TRMT11: variants seen among roughly 807,000 people sequenced by gnomAD.
TRMT11 encodes the protein tRNA methyltransferase 11, also known as tRNA (guanine(10)-N(2))-methyltransferase TRMT11.
In TRMT11, 53 loss-of-function variants were observed where a neutral mutation model predicts 62.8. That is an observed-to-expected ratio of 0.84 (90% CI 0.68 to 1.06). TRMT11 has a LOEUF of 1.06. Ranked by LOEUF, TRMT11 falls within the 50% of genes least tolerant of loss-of-function variation. The pLI is 0.00. For synonymous variants in TRMT11, 188 were observed against 190.3 expected (o/e 0.99, Z 0.10); for missense variants, 556 against 553.4 (o/e 1.00, Z -0.05).
rs1228212979 is a variant in TRMT11 at position 126,011,254 on chromosome 6, A to G, written c.762A>G (p.Gly254=). The change falls in exon 9 of 13, where the codon GGA becomes GGG. Residue 254 remains glycine, a splice_region_variant and synonymous_variant. Transcript: ENST00000334379. ...DIDYNTVHGL[G]KATRKNQKWR... Reference sequence around the variant, plus strand: ...CTCTTCCTTTTTCTTTCCCTTCAGGAAAGGCTACTAGGAAAAACCAGAAGT... The same window carrying G: ...CTCTTCCTTTTTCTTTCCCTTCAGGGAAGGCTACTAGGAAAAACCAGAAGT... 3 of 1,608,758 alleles carry G rather than the reference A, an allele frequency of 1.9e-6. No individual in the cohort carries two copies. The highest frequency in any genetic ancestry group is 2.2e-5 in the East Asian group (1 of 44,772).
the TRMT11 span, chr6:126,258,057 A>C: frequency 8.1e-7 from 1 of 1,233,794 alleles, no homozygotes; most frequent in Non-Finnish European, 1.2e-6. Context: ...CTCACTCTCC[A>C]TGTCCAGGAG....
chr6:126,111,721 C>T (rs1198485957), intron 17 of TRMT11, among the ~76,000 whole-genome samples: 3 of 152,096 alleles, frequency 2.0e-5, no homozygotes, highest in Non-Finnish European at 4.4e-5. Context: ...GTAGGGCTTT[C>T]CCAGTAGAGC....
At chr6:126,243,105 C>G in the TRMT11 span, among the ~76,000 whole-genome samples, 1 of 152,062 alleles carries the variant, frequency 6.6e-6, no homozygotes, top group Non-Finnish European at 1.5e-5. Flanking sequence ...TCAAACGACC[C>G]CATCAAAAAC....
chr6:126,141,010 G>A (rs1777910839), intron 21 of TRMT11, among the ~76,000 whole-genome samples: 1 of 152,056 alleles, frequency 6.6e-6, no homozygotes, highest in Non-Finnish European at 1.5e-5. Flanking sequence ...TTATATTAAA[G>A]TACATAATGA....
chr6:126,005,735 A>G (rs757512805), intron 7 of TRMT11, among the ~76,000 whole-genome samples: 1 of 152,012 alleles, frequency 6.6e-6, no homozygotes, highest in Non-Finnish European at 1.5e-5. Context: ...GAATTGAAAT[A>G]TAAAATTATA....
chr6:126,057,681 C>A (rs7753321), intron 17 of TRMT11, among the ~76,000 whole-genome samples: 2 of 152,132 alleles, frequency 1.3e-5, no homozygotes, highest in Non-Finnish European at 2.9e-5. Flanking sequence ...TCTGCCTAGG[C>A]GGTAATTAGT....
chr6:126,250,083 A>G, the TRMT11 span, among the ~76,000 whole-genome samples: 1 of 152,176 alleles, frequency 6.6e-6, no homozygotes, highest in African/African-American at 2.4e-5. Context: ...TTATTTTGCA[A>G]TGAGTTATTT....
intron 17 of TRMT11, among the ~76,000 whole-genome samples, chr6:126,061,154 C>T (rs1383017358): frequency 6.6e-6 from 1 of 152,204 alleles, no homozygotes; most frequent in Non-Finnish European, 1.5e-5. Context: ...GGCTATGGAC[C>T]AGCACATCTG....
intron 21 of TRMT11, among the ~76,000 whole-genome samples, chr6:126,136,918 A>G (rs1315693625): frequency 2.0e-5 from 3 of 150,888 alleles, no homozygotes; most frequent in Non-Finnish European, 4.4e-5. Context: ...GATGCTGGGA[A>G]AACAGGATAT....
At chr6:126,032,837 C>G (rs1432506266) in intron 12 of TRMT11, among the ~76,000 whole-genome samples, 1 of 152,036 alleles carries the variant, frequency 6.6e-6, no homozygotes, top group Non-Finnish European at 1.5e-5. Flanking sequence ...CTAGGCTGTT[C>G]TAGAATAAAA....
At chr6:126,266,200 C>A in the TRMT11 span, among the ~76,000 whole-genome samples, 3 of 152,116 alleles carry the variant, frequency 2.0e-5, no homozygotes, top group Admixed American at 2.0e-4. Context: ...ATGTCTAGTG[C>A]GTGTTATATC....
intron 17 of TRMT11, among the ~76,000 whole-genome samples, chr6:126,093,581 G>GTATATATATATATA (rs1562321267): frequency 1.3e-4 from 5 of 37,086 alleles, no homozygotes; most frequent in African/African-American, 1.9e-4. Flanking sequence ...AACAGGATAT[G>GTATATATATATATA]TATGTATATA....
intron 21 of TRMT11, among the ~76,000 whole-genome samples, chr6:126,140,449 A>G (rs1007194701): frequency 4.6e-5 from 7 of 152,072 alleles, no homozygotes; most frequent in Non-Finnish European, 1.0e-4. Flanking sequence ...CACAAGAATT[A>G]TGTGTTTTTT....
chr6:126,258,034 C>A, the TRMT11 span: 1 of 1,392,390 alleles, frequency 7.2e-7, no homozygotes, highest in Non-Finnish European at 1.0e-6. Context: ...TCGACCCTGG[C>A]AGCCTGGGCA....
chr6:126,238,597 C>A, the TRMT11 span, among the ~76,000 whole-genome samples: 1 of 152,208 alleles, frequency 6.6e-6, no homozygotes, highest in African/African-American at 2.4e-5. Context: ...AATTTCTGTT[C>A]TTTTACATTT....
the TRMT11 span, among the ~76,000 whole-genome samples, chr6:126,222,743 T>G: frequency 2.6e-5 from 4 of 152,216 alleles, no homozygotes; most frequent in Admixed American, 2.6e-4. Context: ...ATGGATGTCT[T>G]AAAGACAGCA....
chr6:126,162,905 T>A (rs1310866727), intron 21 of TRMT11, among the ~76,000 whole-genome samples: 1 of 152,216 alleles, frequency 6.6e-6, no homozygotes, highest in Non-Finnish European at 1.5e-5. Context: ...TGCACATTGA[T>A]TTTGTATCCT....
intron 12 of TRMT11, among the ~76,000 whole-genome samples, chr6:126,035,796 G>A (rs879684700): frequency 6.6e-6 from 1 of 152,040 alleles, no homozygotes; most frequent in Admixed American, 6.6e-5. Context: ...TTCATTCCCA[G>A]TCTCTGACTC....
the TRMT11 span, among the ~76,000 whole-genome samples, chr6:126,236,151 C>A: frequency 2.0e-5 from 3 of 152,116 alleles, no homozygotes; most frequent in Admixed American, 2.0e-4. Flanking sequence ...TGCATTAGCC[C>A]ATAAGTATTT....
Sources: allele counts gnomAD v4.1 joint callset (sites outside exome capture counted in the v4.1 genomes callset), GRCh38; gene constraint gnomAD v4.1.1; transcripts MANE v1.5; gene names NCBI Gene and HGNC (gene_info 2026-07-23, HGNC 2026-07-21).